Variants in NDE1 observed in about 807,000 individuals in gnomAD.
NDE1 encodes the protein nudE neurodevelopment protein 1, also known as nuclear distribution protein nudE homolog 1.
Under a neutral mutation model 43.4 loss-of-function variants are expected in NDE1, and 28 were observed. That is an observed-to-expected ratio of 0.65 (90% confidence interval 0.48 to 0.89). The LOEUF is 0.89. NDE1 is among the 40% of genes least tolerant of loss of function. The pLI, the probability that NDE1 is intolerant of heterozygous loss-of-function variation, is 0.00. For missense variants in NDE1, 441 were observed against 434.1 expected (o/e 1.02, Z -0.14); for synonymous variants, 184 against 172.0 (o/e 1.07, Z -0.55).
At chr16:15,710,030 C>T (rs2039689531) in intron 8 of NDE1, among the ~76,000 whole-genome samples, 1 of 152,216 alleles carries the variant, frequency 6.6e-6, no homozygotes, top group African/African-American at 2.4e-5. Flanking sequence ...CAACCTCCCT[C>T]AGGGCTCTAG....
At chr16:15,679,344 C>T (rs552985964) in intron 4 of NDE1, among the ~76,000 whole-genome samples, 14 of 152,212 alleles carry the variant, frequency 9.2e-5, no homozygotes, top group East Asian at 3.9e-4. Flanking sequence ...CTGTCCGTCT[C>T]GGACGCCATC....
At position 15,664,999 on chromosome 16, in the gene NDE1, G is replaced by T. The variant is rs1444843261; in HGVS notation, c.83+138G>T. On this transcript the variant is annotated intron_variant, in intron 2 of 8. Coordinates refer to ENST00000396354, the MANE Select transcript of NDE1 (RefSeq NM_017668.3). The stretch of plus-strand genomic sequence containing the variant: ...CCGCCTTAAACTCCTGGGCTTAAGC[G>T]ATCATCCTGGCTCAGCCTCCCAAGT... The T allele has an allele frequency of 1.3e-5, 9 of 675,218 alleles. No individual in the cohort carries two copies. The South Asian group carries it at 1.6e-4, about 12-fold the overall frequency. The allele number at this position is 675,218 out of a possible 1,614,324, so 41.8% of individuals were successfully genotyped here. A position where few individuals can be genotyped will look rare whatever the true frequency, so the allele number is the denominator to read the frequency against.
intron 8 of NDE1, chr16:15,717,673 G>A (rs2040236026): frequency 2.3e-6 from 1 of 430,678 alleles, no homozygotes; most frequent in Middle Eastern, 6.8e-4. Context: ...GCACGTGCCT[G>A]TAGTCCCAGC....
chr16:15,648,184 C>G (rs1255631592), upstream of NDE1, among the ~76,000 whole-genome samples: 1 of 151,974 alleles, frequency 6.6e-6, no homozygotes, highest in Non-Finnish European at 1.5e-5. Flanking sequence ...TGTCCATGAC[C>G]TCAAGCATTT....
chr16:15,667,788 C>G (rs139549571), intron 3 of NDE1, among the ~76,000 whole-genome samples: 1 of 151,784 alleles, frequency 6.6e-6, no homozygotes, highest in Non-Finnish European at 1.5e-5. Flanking sequence ...CCTGCTACCA[C>G]GCCTGGCTAA....
chr16:15,719,486 G>C (rs2040350353), intron 8 of NDE1: 4 of 1,579,970 alleles, frequency 2.5e-6, no homozygotes, highest in Middle Eastern at 2.1e-4. Context: ...GACCCCAGAG[G>C]AGGACGAAAT....
In NDE1 at chr16:15,720,949, C is replaced by T. The variant is rs138863103; in HGVS notation, c.948-3242C>T. 7.1e-5 allele frequency: 114 copies of T among 1,613,904 alleles called. No individual in the cohort carries two copies. Among genetic ancestry groups the T allele is most frequent in the Admixed American group, 2.7e-4 (16 of 59,964 alleles). On this transcript the variant is annotated intron_variant, in intron 8 of 8. Coordinates refer to ENST00000396354, the MANE Select transcript of NDE1 (RefSeq NM_017668.3). ...ATGTTGACTTCCAGCCGCAGTTTGG[C>T]GTCCTCCGTGGCTTGCAGCTCGTCC...
At position 15,717,394 on chromosome 16, in the gene NDE1, AG is replaced by A. The variant is rs1372454498; in HGVS notation, c.948-6796del. ...CATGAGGCGGACTCAGGGAAGCCCA[AG>A]AGAGCGCACTGAGACCATGCCTCTT... On this transcript the variant is annotated intron_variant, in intron 8 of 8. Transcript: ENST00000396354. The A allele has an allele frequency of 3.1e-6, 5 of 1,593,548 alleles. No homozygotes were observed. In the African/African-American group the frequency reaches 6.7e-5, roughly 21 times the overall value.
chr16:15,655,578 TC>T (rs2036719694), intron 1 of NDE1, among the ~76,000 whole-genome samples: 2 of 152,318 alleles, frequency 1.3e-5, no homozygotes, highest in South Asian at 4.1e-4. Flanking sequence ...TGGTGATTCC[TC>T]AGGGATCTAG....
intron 8 of NDE1, among the ~76,000 whole-genome samples, chr16:15,702,899 C>T (rs1469940427): frequency 1.3e-5 from 2 of 152,150 alleles, no homozygotes; most frequent in African/African-American, 4.8e-5. Context: ...CTCTCCCCTG[C>T]CCTCCCTGCT....
intron 3 of NDE1, among the ~76,000 whole-genome samples, chr16:15,674,851 G>T (rs1042995082): frequency 6.6e-6 from 1 of 152,026 alleles, no homozygotes; most frequent in African/African-American, 2.4e-5. Context: ...GGGACTACAG[G>T]CGACGCCACC....
chr16:15,650,892 G>A (rs972072083), intron 1 of NDE1, among the ~76,000 whole-genome samples: 1 of 152,092 alleles, frequency 6.6e-6, no homozygotes, highest in Non-Finnish European at 1.5e-5. Flanking sequence ...CCCTCCCTCC[G>A]GGAACACGTT....
intron 8 of NDE1, chr16:15,719,298 G>T: frequency 6.2e-7 from 1 of 1,611,520 alleles, no homozygotes. Flanking sequence ...CCTCTCAGCG[G>T]CGGCGAGGTC....
chr16:15,675,162 G>C (rs138069776), intron 3 of NDE1, among the ~76,000 whole-genome samples: 1 of 152,142 alleles, frequency 6.6e-6, no homozygotes, highest in African/African-American at 2.4e-5. Flanking sequence ...GGACATAATT[G>C]AAACAGTTAT....
chr16:15,699,893 G>C (rs1373784461), intron 8 of NDE1: 2 of 1,281,164 alleles, frequency 1.6e-6, no homozygotes, highest in Non-Finnish European at 2.0e-6. Flanking sequence ...TTTTACACTA[G>C]GTTTTTGTTT....
chr16:15,654,617 CA>C (rs74269304), intron 1 of NDE1, among the ~76,000 whole-genome samples: 2,074 of 82,374 alleles, frequency 0.025, 48 homozygotes, highest in African/African-American at 0.086. Context: ...AAAAAAAAAA[CA>C]AAAAAAAAAA....
chr16:15,719,694 T>C, intron 8 of NDE1: 1 of 1,614,202 alleles, frequency 6.2e-7, no homozygotes, highest in Non-Finnish European at 8.5e-7. Context: ...CAGCTCTCTT[T>C]GAAAGTCCTT....
At chr16:15,667,632 G>GTTT (rs1278177492) in intron 3 of NDE1, among the ~76,000 whole-genome samples, 193 bp downstream of exon 3, 1 of 132,834 alleles carries the variant, frequency 7.5e-6, no homozygotes, top group African/African-American at 2.8e-5. Flanking sequence ...TTTTTGTTTT[G>GTTT]TTTTTTTTTT....
chr16:15,659,829 A>G (rs939968123), intron 1 of NDE1, among the ~76,000 whole-genome samples: 2 of 147,930 alleles, frequency 1.4e-5, no homozygotes, highest in African/African-American at 5.0e-5. Flanking sequence ...GCTCATTGCA[A>G]CCTCCACCTC....
Sources: allele counts gnomAD v4.1 joint callset (sites outside exome capture counted in the v4.1 genomes callset), GRCh38; gene constraint gnomAD v4.1.1; transcripts MANE v1.5; gene names NCBI Gene and HGNC (gene_info 2026-07-23, HGNC 2026-07-21).